The following EIF2AK3 variants were observed in gnomAD, a reference collection of about 807,000 sequenced individuals.
The protein encoded by EIF2AK3 is eukaryotic translation initiation factor 2-alpha kinase 3.
Under a neutral mutation model 113.5 loss-of-function variants are expected in EIF2AK3, and 50 were observed. The observed-to-expected ratio is 0.44, with a 90% CI of 0.35 to 0.56. The LOEUF is 0.56. Among genes scored for constraint, EIF2AK3 ranks in the 20% least tolerant of loss-of-function variants. The pLI is 0.00. For synonymous variants in EIF2AK3, 448 were observed against 495.4 expected (o/e 0.90, Z 1.27); for missense variants, 1,185 against 1,378.0 (o/e 0.86, Z 2.22).
intron 15 of EIF2AK3, among the ~76,000 whole-genome samples, chr2:88,559,332 T>C (rs745855285): frequency 3.9e-5 from 6 of 152,222 alleles, no homozygotes; most frequent in Non-Finnish European, 5.9e-5. Context: ...AGTATAATAC[T>C]TATTTACATA....
At chr2:88,594,959 T>C (rs529944747) in intron 3 of EIF2AK3, among the ~76,000 whole-genome samples, 27 of 151,856 alleles carry the variant, frequency 1.8e-4, no homozygotes, top group South Asian at 4.2e-4. Context: ...TTTGGGAGGC[T>C]GAAGTGGGCA....
chr2:88,558,825 C>A, intron 16 of EIF2AK3, 92 bp downstream of exon 16: 1 of 1,066,398 alleles, frequency 9.4e-7, no homozygotes, highest in Admixed American at 2.1e-5. Flanking sequence ...GCTTCCTCAT[C>A]TGTAAAATAG....
intron 4 of EIF2AK3, among the ~76,000 whole-genome samples, chr2:88,591,392 A>C (rs535872757): frequency 6.6e-6 from 1 of 152,314 alleles, no homozygotes; most frequent in African/African-American, 2.4e-5. Context: ...CCTTAAAATG[A>C]GGTAGCACAC....
chr2:88,593,380 C>T lies in EIF2AK3; in HGVS notation c.659G>A (p.Gly220Asp). Residue 220 changes from glycine to aspartate, a missense_variant, in exon 4 of 17, where the codon GGT becomes GAT. By Grantham distance (94) the Gly-to-Asp change is moderately conservative. Around this residue, in one of 3 missense-constraint regions of EIF2AK3, gnomAD observed 119 missense variants for 178.7 expected, o/e 0.67. Transcript: ENST00000303236. ...GKVRYICSAL[G>D]CRQWDSDEME... ...TTCGTCACTATCCCATTGGCGACAA[C>T]CCAGAGCTGAACAGATATACCTCAC... The T allele has an allele frequency of 6.2e-7, 1 of 1,613,910 alleles. No homozygotes were observed. The highest frequency in any genetic ancestry group is 8.5e-7 in the Non-Finnish European group (1 of 1,179,966).
At chr2:88,595,994 G>A (rs547617638) in intron 2 of EIF2AK3, 1 of 385,112 alleles carries the variant, frequency 2.6e-6, no homozygotes, top group East Asian at 5.8e-5. Context: ...GATCAAGTGA[G>A]TTCAAGAAGA....
intron 3 of EIF2AK3, 50 bp from the exon 4 acceptor site, chr2:88,593,455 A>G (rs2104442672): frequency 6.2e-7 from 1 of 1,601,994 alleles, no homozygotes; most frequent in East Asian, 2.2e-5. Flanking sequence ...ACAACTCATA[A>G]TAGATCAGAG....
At chr2:88,614,862 A>C (rs761676187) in intron 1 of EIF2AK3, among the ~76,000 whole-genome samples, 1 of 152,226 alleles carries the variant, frequency 6.6e-6, no homozygotes, top group Non-Finnish European at 1.5e-5. Flanking sequence ...ACATCTGTGC[A>C]GTTGAACGTA....
At position 88,588,076 on chromosome 2, in the gene EIF2AK3, T is replaced by TAC. The variant is rs1355084164; in HGVS notation, c.1333_1334dup (p.Gly446Ter). The stretch of plus-strand genomic sequence containing the variant: ...GACATTTGTCAAATTCATCAGATCC[T>TAC]ACCAAGACAGGAGTTCTGGAAGGAG... On this transcript the variant is annotated frameshift_variant, in exon 8 of 17. Coordinates refer to ENST00000303236, the MANE Select transcript of EIF2AK3 (RefSeq NM_004836.7). LOFTEE classifies it high-confidence loss of function. 1.8e-5 allele frequency: 27 copies of TAC among 1,527,844 alleles called. No homozygotes were observed. The highest frequency in any genetic ancestry group is 2.4e-5 in the Non-Finnish European group (27 of 1,109,962). The allele number at this position is 1,527,844 out of a possible 1,614,324, so 94.6% of individuals were successfully genotyped here.
intron 10 of EIF2AK3, 166 bp from the exon 11 acceptor site, chr2:88,579,806 G>A (rs1238010438): frequency 6.5e-6 from 4 of 611,054 alleles, no homozygotes; most frequent in Non-Finnish European, 1.1e-5. Flanking sequence ...AGTCCTGTTT[G>A]TATAAATGAA....
At position 88,557,690 on chromosome 2, in the gene EIF2AK3, GGCTATTATC is replaced by G. The variant is rs1673817064; in HGVS notation, c.*37_*45del. 6.3e-7 allele frequency: 1 copy of G among 1,594,120 alleles called. No homozygotes were observed. Among genetic ancestry groups the G allele is most frequent in the East Asian group, 2.2e-5 (1 of 44,780 alleles). On this transcript the variant is annotated 3_prime_UTR_variant, in exon 17 of 17. Coordinates refer to ENST00000303236, the MANE Select transcript of EIF2AK3 (RefSeq NM_004836.7). ...TTGGACAGGCATATTCTAAGAAGTA[GGCTATTATC>G]TGCATCACCTATTAGGGTTGCTAGC...
chr2:88,564,829 T>A (rs141645023), intron 14 of EIF2AK3, among the ~76,000 whole-genome samples: 142 of 152,162 alleles, frequency 9.3e-4, no homozygotes, highest in African/African-American at 3.3e-3. Context: ...AAGAAACCAG[T>A]GTAATGGGAT....
Position 88,626,937 on chromosome 2 carries a change from G to C in EIF2AK3, c.308+30C>G, listed in dbSNP as rs370442302. ...CTCCGCGGCTCGCGCGCGTAAACAAGTTGCCTCCCCCGGGTCGGCAGCCCC... is the reference window on the plus strand; with the variant it reads ...CTCCGCGGCTCGCGCGCGTAAACAACTTGCCTCCCCCGGGTCGGCAGCCCC... On this transcript the variant is annotated intron_variant, in intron 1 of 16. Coordinates refer to ENST00000303236, the MANE Select transcript of EIF2AK3 (RefSeq NM_004836.7). 3 of 1,604,930 alleles carry C rather than the reference G, an allele frequency of 1.9e-6. No homozygotes were observed. In the African/African-American group the frequency reaches 4.1e-5, roughly 22 times the overall value.
At chr2:88,628,013 G>A (rs1009404539), upstream of EIF2AK3, 1 of 152,408 alleles carries the variant, frequency 6.6e-6, no homozygotes, top group Non-Finnish European at 1.5e-5. Flanking sequence ...CAAAAGCGAA[G>A]CAGCAAGAAG....
intron 2 of EIF2AK3, among the ~76,000 whole-genome samples, chr2:88,605,191 G>A (rs1029095437): frequency 1.3e-5 from 2 of 152,074 alleles, no homozygotes; most frequent in African/African-American, 4.8e-5. Context: ...GTATACTTAT[G>A]AAAGAAAAAA....
intron 4 of EIF2AK3, among the ~76,000 whole-genome samples, chr2:88,591,859 A>G (rs545538092): frequency 6.6e-6 from 1 of 152,296 alleles, no homozygotes; most frequent in African/African-American, 2.4e-5. Context: ...ATCTGCTGCT[A>G]TGGTGGCTGA....
intron 14 of EIF2AK3, among the ~76,000 whole-genome samples, chr2:88,570,073 CTTAT>C (rs1490381908): frequency 6.6e-6 from 1 of 151,268 alleles, no homozygotes; most frequent in African/African-American, 2.4e-5. Flanking sequence ...TTAGAAAATA[CTTAT>C]TTTTCATAAA....
At position 88,575,322 on chromosome 2, in the gene EIF2AK3, A is replaced by G; in HGVS notation, c.2161T>C (p.Ser721Pro). The G allele has an allele frequency of 6.2e-7, 1 of 1,614,162 alleles. No homozygotes were observed. Among genetic ancestry groups the G allele is most frequent in the East Asian group, 2.2e-5 (1 of 44,886 alleles). ...IIAPSPQRSR[S>P]FSVGISCDQT... ...TCACAGGAAATCCCTACTGAAAAAG[A>G]CCTGCTTCTTTGTGGTGAAGGAGCT... Residue 721 changes from serine (S) to proline (P), a missense_variant, in exon 13 of 17, where the codon TCT becomes CCT. Coordinates refer to ENST00000303236, the MANE Select transcript of EIF2AK3 (RefSeq NM_004836.7).
At chr2:88,627,984 C>T (rs1675921780), upstream of EIF2AK3, 1 of 152,342 alleles carries the variant, frequency 6.6e-6, no homozygotes, top group Non-Finnish European at 1.5e-5. Flanking sequence ...TCTTCTAAAG[C>T]CTAGTCTACT....
In EIF2AK3 at chr2:88,587,699, G is replaced by T. The variant is rs1674772832; in HGVS notation, c.1429+283C>A. On this transcript the variant is annotated intron_variant, in intron 8 of 16. Transcript: ENST00000303236. The stretch of plus-strand genomic sequence containing the variant: ...GACTTTGCCTGCGTTATCTCATTTA[G>T]GCCTCACAACAACTCAATACATAGA... Among the ~76,000 whole-genome samples the T allele has an allele frequency of 2.0e-5, 3 of 152,198 alleles. No homozygotes were observed. The East Asian group carries it at 5.8e-4, about 29-fold the overall frequency.
Sources: allele counts gnomAD v4.1 joint callset (sites outside exome capture counted in the v4.1 genomes callset), GRCh38; gene constraint gnomAD v4.1.1; regional missense constraint gnomAD v4.1.1; transcripts MANE v1.5; gene names NCBI Gene and HGNC (gene_info 2026-07-23, HGNC 2026-07-21).